ANO9: variants seen among roughly 807,000 people sequenced by gnomAD.
The protein encoded by ANO9 is anoctamin-9.
In ANO9, 80 loss-of-function variants were observed where a neutral mutation model predicts 100.5. The observed-to-expected ratio is 0.80, with a 90% CI of 0.66 to 0.96. The LOEUF (loss-of-function observed/expected upper bound fraction) is 0.96. ANO9 is among the 40% of genes least tolerant of loss of function. The pLI is 0.00. For synonymous variants in ANO9, 473 were observed against 435.6 expected (o/e 1.09, Z -1.07); for missense variants, 1,064 against 1,072.7 (o/e 0.99, Z 0.11).
chr11:430,235 C>T (rs771965622), intron 8 of ANO9, 34 bp downstream of exon 8: 26 of 1,551,954 alleles, frequency 1.7e-5, no homozygotes, highest in African/African-American at 4.1e-5. Context: ...GGGCCCACCC[C>T]GGCCCCCCAT....
chr11:438,325 G>A (rs1481510642), intron 1 of ANO9, among the ~76,000 whole-genome samples: 4 of 148,080 alleles, frequency 2.7e-5, no homozygotes, highest in African/African-American at 5.0e-5. Flanking sequence ...TGTAGCCCCC[G>A]CCGACACACA....
intron 1 of ANO9, among the ~76,000 whole-genome samples, chr11:441,553 G>T (rs1332272243): frequency 2.0e-5 from 3 of 152,148 alleles, no homozygotes; most frequent in African/African-American, 2.4e-5. Context: ...GCCAGGTCTG[G>T]GGTCCTCAGC....
In ANO9 at chr11:420,647, C is replaced by T. The variant is rs374607911; in HGVS notation, c.1634-32G>A. 123 of 1,602,302 alleles carry T rather than the reference C, an allele frequency of 7.7e-5. 2 individuals carry two copies. The African/African-American group carries it at 1.3e-3, about 17-fold the overall frequency. On this transcript the variant is annotated intron_variant, in intron 18 of 22. Transcript: ENST00000332826. ...GGTGGGGGTCAGGCTCACCGGCGCC[C>T]CGCACTCATGTCCGCGGACCCCCGC...
intron 19 of ANO9, 141 bp from the exon 20 acceptor site, chr11:419,870 A>C: frequency 6.9e-7 from 1 of 1,440,440 alleles, no homozygotes; most frequent in Non-Finnish European, 9.1e-7. Context: ...CAGTATTCAC[A>C]AGGAAGTCCC....
chr11:437,227 C>T (rs1204338457), intron 1 of ANO9, among the ~76,000 whole-genome samples: 1 of 152,064 alleles, frequency 6.6e-6, no homozygotes, highest in Non-Finnish European at 1.5e-5. Flanking sequence ...CGATTTCATC[C>T]CAAAACCATC....
At chr11:429,204 C>G (rs61494944) in intron 11 of ANO9, among the ~76,000 whole-genome samples, 5 of 136,964 alleles carry the variant, frequency 3.7e-5, no homozygotes, top group African/African-American at 1.2e-4. Flanking sequence ...GGTGGACAGA[C>G]ACGGGACACT....
chr11:421,237 GC>G lies in ANO9; in HGVS notation c.1335-40del. 1.3e-6 allele frequency: 2 copies of G among 1,485,598 alleles called. No homozygotes were observed. Among genetic ancestry groups the G allele is most frequent in the East Asian group, 4.8e-5 (2 of 41,608 alleles). The allele number at this position is 1,485,598 out of a possible 1,614,324, so 92.0% of individuals were successfully genotyped here. On this transcript the variant is annotated intron_variant, in intron 15 of 22. Transcript: ENST00000332826. The surrounding 1 kb of genome is among the most constrained non-coding windows in gnomAD (Gnocchi z 6.8). ...GGAAGTCTGGGGCACTGCGGGCAGC[GC>G]CCTGCCTCTGACAGGGTGGGTGCAG...
chr11:437,409 A>G (rs148956034), intron 1 of ANO9, among the ~76,000 whole-genome samples: 6 of 146,214 alleles, frequency 4.1e-5, no homozygotes, highest in South Asian at 4.4e-4. Context: ...TGCGGGGGGA[A>G]GTTCTTGCCC....
In ANO9 at chr11:430,271, G is replaced by A. The variant is rs1848822416; in HGVS notation, c.672C>T (p.Ile224=). The A allele has an allele frequency of 1.3e-6, 2 of 1,566,092 alleles. No homozygotes were observed. The highest frequency in any genetic ancestry group is 2.7e-5 in the African/African-American group (2 of 73,378). The part of the protein sequence containing the change: ...SGFSLFEASQ[I]SKEICEAHDI... Reference sequence around the variant, plus strand: ...GCCCGGCCCCTGCTGCGGCCCACCTGATCTGGCTGGCCTCAAACAGCGAGA... The same window carrying A: ...GCCCGGCCCCTGCTGCGGCCCACCTAATCTGGCTGGCCTCAAACAGCGAGA... The change falls in exon 8 of 23, where the codon ATC becomes ATT. Residue 224 remains isoleucine (I), a splice_region_variant and synonymous_variant. Coordinates refer to ENST00000332826, the MANE Select transcript of ANO9 (RefSeq NM_001012302.3).
chr11:420,410 C>G lies in ANO9; in HGVS notation c.1786+53G>C, dbSNP rs1024579331. The G allele has an allele frequency of 2.2e-5, 35 of 1,585,530 alleles. 2 individuals carry two copies. The Middle Eastern group carries it at 1.0e-3, about 46-fold the overall frequency. On this transcript the variant is annotated intron_variant, in intron 19 of 22. Coordinates refer to ENST00000332826, the MANE Select transcript of ANO9 (RefSeq NM_001012302.3). The stretch of plus-strand genomic sequence containing the variant: ...GAGCCGGCCTGGCCAGCGGGAAGCC[C>G]ACAGGCCTGAGGCCGCCCAGTTCCC...
Position 428,704 on chromosome 11 carries a change from G to C in ANO9, c.1020+18C>G. Reference sequence around the variant, plus strand: ...TGCAGCCCGGGTCTCCAGCCCCACCGCGGTGTCCCCTGCGTACCATGAGCA... The same window carrying C: ...TGCAGCCCGGGTCTCCAGCCCCACCCCGGTGTCCCCTGCGTACCATGAGCA... On this transcript the variant is annotated intron_variant, in intron 12 of 22. Coordinates refer to ENST00000332826, the MANE Select transcript of ANO9 (RefSeq NM_001012302.3). The C allele has an allele frequency of 6.2e-7, 1 of 1,612,834 alleles. No homozygotes were observed. The highest frequency in any genetic ancestry group is 8.5e-7 in the Non-Finnish European group (1 of 1,179,870).
intron 3 of ANO9, 109 bp from the exon 4 acceptor site, chr11:433,568 G>GAACCCTTCCCCATCTATTCCA: frequency 6.8e-7 from 1 of 1,473,426 alleles, no homozygotes; most frequent in Admixed American, 2.4e-5. Context: ...CCTCTATTCC[G>GAACCCTTCCCCATCTATTCCA]CCTCAGAACC....
intron 1 of ANO9, among the ~76,000 whole-genome samples, chr11:437,781 G>C (rs56240062): frequency 0.6 from 91,649 of 152,142 alleles, 27,759 homozygotes; most frequent in Middle Eastern, 0.66. Flanking sequence ...TGTTGTGTTG[G>C]AGGGATTCAT....
At chr11:419,473 G>A in intron 20 of ANO9, 109 bp downstream of exon 20, 1 of 1,487,294 alleles carries the variant, frequency 6.7e-7, no homozygotes, top group Non-Finnish European at 9.0e-7. Context: ...AAGCCCCAGG[G>A]GTACCAACAG....
At chr11:435,854 GTCT>G (rs1849485189) in intron 1 of ANO9, among the ~76,000 whole-genome samples, 4 of 150,666 alleles carry the variant, frequency 2.7e-5, no homozygotes, top group Non-Finnish European at 5.9e-5. Context: ...GTCTAGTCTA[GTCT>G]AGTCTAGTAT....
At chr11:437,701 A>G (rs987991031) in intron 1 of ANO9, among the ~76,000 whole-genome samples, 6 of 152,140 alleles carry the variant, frequency 3.9e-5, no homozygotes, top group Admixed American at 6.5e-5. Context: ...CCTGGGGGGG[A>G]CTGGTGGTCT....
intron 7 of ANO9, 43 bp from the exon 8 acceptor site, chr11:430,446 G>A: frequency 7.2e-7 from 1 of 1,382,328 alleles, no homozygotes. Context: ...GGGGGCGGTG[G>A]GGGAGGGACA....
chr11:420,324 C>T (rs901059538), intron 19 of ANO9, 139 bp downstream of exon 19: 10 of 1,461,834 alleles, frequency 6.8e-6, no homozygotes, highest in Middle Eastern at 2.5e-4. Flanking sequence ...CATCCGAGGC[C>T]GTCGGAGAAG....
Position 429,682 on chromosome 11 carries a change from G to A in ANO9, c.833-30C>T, listed in dbSNP as rs1848766242. On this transcript the variant is annotated intron_variant, in intron 10 of 22. Transcript: ENST00000332826. ...GGCGGGGGCAAGGAGGGGCATCACT[G>A]CACTACGCCAGGTGGACCTCGGAGC... The A allele has an allele frequency of 1.9e-6, 3 of 1,612,484 alleles. No homozygotes were observed. In the Admixed American group the frequency reaches 5.0e-5, roughly 27 times the overall value.
Sources: gnomAD v4.1 joint callset for allele counts (sites outside exome capture counted in the v4.1 genomes callset) on GRCh38, gnomAD v4.1.1 for gene constraint, Gnocchi (gnomAD v3.1) non-coding constraint, MANE v1.5 for transcripts, NCBI Gene and HGNC (gene_info 2026-07-23, HGNC 2026-07-21) for gene names.